The following BIRC6 variants were observed in gnomAD, a reference collection of about 807,000 sequenced individuals.
The protein encoded by BIRC6 is baculoviral IAP repeat containing 6, also known as dual E2 ubiquitin-conjugating enzyme/E3 ubiquitin-protein ligase BIRC6.
BIRC6 carries 98 observed loss-of-function variants against 503.3 expected under a neutral mutation model. The observed-to-expected ratio is 0.19, with a 90% CI of 0.17 to 0.23. The LOEUF is 0.23. Among genes scored for constraint, BIRC6 ranks in the 10% least tolerant of loss-of-function variants. BIRC6 has a pLI of 1.00. For synonymous variants in BIRC6, 2,240 were observed against 2,078.7 expected (o/e 1.08, Z -2.11); for missense variants, 5,360 against 5,806.0 (o/e 0.92, Z 2.50).
intron 70 of BIRC6, among the ~76,000 whole-genome samples, chr2:32,600,778 A>G (rs2062002102): frequency 6.6e-6 from 1 of 152,186 alleles, no homozygotes. Flanking sequence ...GATACACACA[A>G]TTGTGGACTT....
rs538984400 is a variant in BIRC6 at position 32,499,703 on chromosome 2, C to G, written c.8625C>G (p.Asp2875Glu). 7.4e-6 allele frequency: 12 copies of G among 1,613,964 alleles called. No individual in the cohort carries two copies. In the Admixed American group the frequency reaches 1.2e-4, roughly 16 times the overall value. ...TGCACCACTATATCACTTGCTCAGACAAAGTAATGTCAAGAAGTGGATCAG... is the reference window on the plus strand; with the variant it reads ...TGCACCACTATATCACTTGCTCAGAGAAAGTAATGTCAAGAAGTGGATCAG... ...FLVHHYITCS[D>E]KVMSRSGSDS... Residue 2875 changes from aspartate (D) to glutamate (E), a missense_variant, in exon 46 of 74, where the codon GAC (aspartate) becomes GAG (glutamate). Physicochemically the swap from Asp to Glu is conservative, Grantham distance 45 (BLOSUM62 2). Transcript: ENST00000421745.
intron 45 of BIRC6, among the ~76,000 whole-genome samples, chr2:32,496,543 A>G (rs1558890490): frequency 6.6e-6 from 1 of 152,142 alleles, no homozygotes; most frequent in South Asian, 2.1e-4. Flanking sequence ...CATACAGTGT[A>G]TTATATAGAA....
intron 10 of BIRC6, among the ~76,000 whole-genome samples, chr2:32,426,515 A>G (rs550607071): frequency 5.9e-5 from 9 of 152,252 alleles, no homozygotes; most frequent in Non-Finnish European, 5.9e-5. Flanking sequence ...AGGCAGGGAG[A>G]ATCACTTGAA....
intron 1 of BIRC6, among the ~76,000 whole-genome samples, chr2:32,365,647 T>C (rs1001514681): frequency 6.6e-6 from 1 of 152,010 alleles, no homozygotes; most frequent in Non-Finnish European, 1.5e-5. Context: ...TCTTAAATTA[T>C]ATAGTTCAGT....
chr2:32,402,994 G>A (rs754997015), intron 8 of BIRC6, among the ~76,000 whole-genome samples: 3 of 152,108 alleles, frequency 2.0e-5, no homozygotes, highest in Non-Finnish European at 2.9e-5. Context: ...ACATTATATG[G>A]GGTAATGTGC....
intron 23 of BIRC6, among the ~76,000 whole-genome samples, chr2:32,460,274 T>TATATA (rs1572383914): frequency 1.0e-4 from 2 of 19,588 alleles, no homozygotes; most frequent in Non-Finnish European, 1.9e-4. Flanking sequence ...ATATATATAT[T>TATATA]TTTTTTTTTT....
At chr2:32,360,838 CTTTG>C (rs772321064) in intron 1 of BIRC6, among the ~76,000 whole-genome samples, 1 of 151,908 alleles carries the variant, frequency 6.6e-6, no homozygotes, top group Non-Finnish European at 1.5e-5. Context: ...TGGGGAGGTA[CTTTG>C]TTTATTTGTT....
Position 32,547,808 on chromosome 2 carries a change from A to G in BIRC6, c.12811-42A>G, listed in dbSNP as rs754264227. The G allele has an allele frequency of 4.8e-6, 7 of 1,460,966 alleles. No individual in the cohort carries two copies. In the African/African-American group the frequency reaches 1.0e-4, roughly 21 times the overall value. 90.5% of individuals were successfully genotyped at this position (1,460,966 alleles called of 1,614,324 possible). The stretch of plus-strand genomic sequence containing the variant: ...GTGATAAATATTTTTGAAGATAAGC[A>G]AAAACAAATTGTAATGGATTTTCAT... On this transcript the variant is annotated intron_variant, in intron 63 of 73. Coordinates refer to ENST00000421745, the MANE Select transcript of BIRC6 (RefSeq NM_016252.4).
intron 43 of BIRC6, among the ~76,000 whole-genome samples, 194 bp from the exon 44 acceptor site, chr2:32,491,231 G>A (rs1193100649): frequency 6.6e-6 from 1 of 152,026 alleles, no homozygotes; most frequent in African/African-American, 2.4e-5. Context: ...AATCAGAAGG[G>A]GGCAGAAGAG....
intron 20 of BIRC6, among the ~76,000 whole-genome samples, chr2:32,443,810 T>C (rs2045674246): frequency 6.6e-6 from 1 of 152,222 alleles, no homozygotes; most frequent in Non-Finnish European, 1.5e-5. Context: ...TAATATCAAG[T>C]CATCTCAATT....
chr2:32,504,076 G>A (rs1006039553), intron 49 of BIRC6, among the ~76,000 whole-genome samples: 1 of 144,044 alleles, frequency 6.9e-6, no homozygotes, highest in East Asian at 2.1e-4. Flanking sequence ...GTGTGTGTGT[G>A]TTTAGTAGAG....
At chr2:32,399,614 C>T (rs2040378660) in intron 6 of BIRC6, among the ~76,000 whole-genome samples, 1 of 151,528 alleles carries the variant, frequency 6.6e-6, no homozygotes, top group Admixed American at 6.6e-5. Flanking sequence ...ATAATTATAG[C>T]TAATAGAAAT....
chr2:32,589,725 C>T lies in BIRC6; in HGVS notation c.13356-4190C>T, dbSNP rs138055088. 1.8e-3 allele frequency among the ~76,000 whole-genome samples: 277 copies of T among 152,256 alleles called. 1 individual carries two copies. Among genetic ancestry groups the T allele is most frequent in the African/African-American group, 5.8e-3 (241 of 41,550 alleles). ...TTTAACATCTCTTCTTTGACTGGCT[C>T]AGTTGGGTTGTCCCCTGGTAAACTG... On this transcript the variant is annotated intron_variant, in intron 66 of 73. Transcript: ENST00000421745.
intron 8 of BIRC6, 46 bp downstream of exon 8, chr2:32,401,669 T>C: frequency 6.6e-7 from 1 of 1,514,060 alleles, no homozygotes; most frequent in Non-Finnish European, 8.9e-7. Context: ...TTACATGTTT[T>C]CCTAAATTTT....
Position 32,382,806 on chromosome 2 carries a change from G to A in BIRC6, c.645+2516G>A, listed in dbSNP as rs186897903. On this transcript the variant is annotated intron_variant, in intron 3 of 73. Transcript: ENST00000421745. ...TGGTGCGATCTTGGCTCACTGCAAC[G>A]TCCGTCTCCTGGGTTCAAGCAGTTC... Among the ~76,000 whole-genome samples the A allele has an allele frequency of 8.2e-3, 1,221 of 149,268 alleles. 8 individuals are homozygous for A. The highest frequency in any genetic ancestry group is 0.023 in the Middle Eastern group (6 of 256).
chr2:32,502,266 C>CT (rs1035936395), intron 47 of BIRC6, among the ~76,000 whole-genome samples: 150 of 151,952 alleles, frequency 9.9e-4, no homozygotes, highest in African/African-American at 3.5e-3. Context: ...TATTCAGCTT[C>CT]TTTTTTTTCC....
At chr2:32,467,856 A>G (rs540627409) in intron 27 of BIRC6, 47 bp from the exon 28 acceptor site, 1 of 1,489,310 alleles carries the variant, frequency 6.7e-7, no homozygotes, top group African/African-American at 1.4e-5. Context: ...TCAGATTTTT[A>G]TTGTGGCAGA....
At chr2:32,615,789 C>G (rs1247560932) in intron 73 of BIRC6, among the ~76,000 whole-genome samples, 1 of 152,130 alleles carries the variant, frequency 6.6e-6, no homozygotes, top group Non-Finnish European at 1.5e-5. Flanking sequence ...CACACACCAC[C>G]ACACCCAGCT....
intron 57 of BIRC6, chr2:32,523,548 T>C (rs2055957462): frequency 1.3e-5 from 2 of 152,222 alleles, no homozygotes; most frequent in African/African-American, 4.8e-5. Context: ...TGTTGCACCA[T>C]GCATTTGTTA....
Sources: gnomAD v4.1 joint callset for allele counts (sites outside exome capture counted in the v4.1 genomes callset) on GRCh38, gnomAD v4.1.1 for gene constraint, MANE v1.5 for transcripts, NCBI Gene and HGNC (gene_info 2026-07-23, HGNC 2026-07-21) for gene names.